The following PROZ variants were observed in gnomAD, a reference collection of about 807,000 sequenced individuals.
The protein encoded by PROZ is vitamin K-dependent protein Z.
Under a neutral mutation model 34.9 loss-of-function variants are expected in PROZ, and 46 were observed. That is an observed-to-expected ratio of 1.32 (90% CI 1.04 to 1.69). The LOEUF is 1.69. Among genes scored for constraint, PROZ ranks in the 40% most tolerant of loss-of-function variants. PROZ has a pLI of 0.00. For synonymous variants in PROZ, 195 were observed against 208.5 expected (o/e 0.94, Z 0.56); for missense variants, 530 against 520.4 (o/e 1.02, Z -0.18).
chr13:113,160,896 T>C (rs2036747590), intron 2 of PROZ, 52 bp from the exon 3 acceptor site: 3 of 1,465,218 alleles, frequency 2.0e-6, no homozygotes, highest in South Asian at 2.3e-5. Context: ...CAGGAAAGAA[T>C]ATAGAAAAAC....
rs1441108251 is a variant in PROZ, at chr13:113,158,779, G to C, written c.70+49G>C. The C allele has an allele frequency of 6.5e-7, 1 of 1,530,840 alleles. No homozygotes were observed. The highest frequency in any genetic ancestry group is 8.9e-7 in the Non-Finnish European group (1 of 1,126,854). The allele number at this position is 1,530,840 out of a possible 1,614,324, so 94.8% of individuals were successfully genotyped here. ...GTTGTGCCTGTGCTGTGTCTTTCTT[G>C]ACTCGGTCCATGGTGGATTTGTAGA... On this transcript the variant is annotated intron_variant, in intron 1 of 7. Coordinates refer to ENST00000375547, the MANE Select transcript of PROZ (RefSeq NM_003891.3). This position sits in a 1 kb window ranked among gnomAD's most constrained non-coding sequence, Gnocchi z 4.3.
intron 6 of PROZ, among the ~76,000 whole-genome samples, chr13:113,167,302 G>A (rs2036967216): frequency 6.6e-6 from 1 of 152,172 alleles, no homozygotes; most frequent in Non-Finnish European, 1.5e-5. Context: ...CTTGACTTAT[G>A]GTAGGTATTC....
intron 5 of PROZ, 60 bp downstream of exon 5, chr13:113,164,704 T>G: frequency 6.2e-7 from 1 of 1,603,282 alleles, no homozygotes; most frequent in Non-Finnish European, 8.5e-7. Flanking sequence ...GTCCACATCC[T>G]CCTTCCTTCT....
intron 3 of PROZ, 64 bp from the exon 4 acceptor site, chr13:113,162,935 ACCACCCCCAC>A: frequency 3.2e-6 from 2 of 621,296 alleles, no homozygotes; most frequent in Non-Finnish European, 2.4e-6. Flanking sequence ...CATTCCTGTC[ACCACCCCCAC>A]CCTCCTCCTG....
rs777676141 is a variant in PROZ, at chr13:113,171,672, C to T, written c.770C>T (p.Ala257Val). The T allele has an allele frequency of 5.6e-5, 90 of 1,613,882 alleles. No homozygotes were observed. Among genetic ancestry groups the T allele is most frequent in the Non-Finnish European group, 5.7e-5 (67 of 1,180,016 alleles). The change falls in exon 8 of 8, where the codon GCG (alanine) becomes GTG (valine). Residue 257 changes from alanine (A) to valine (V), a missense_variant. Physicochemically the swap from Ala to Val is moderately conservative, Grantham distance 64. Transcript: ENST00000375547. The surrounding 1 kb of genome is among the most constrained non-coding windows in gnomAD (Gnocchi z 5.1). ...VHVHMRYDAD[A>V]GENDLSLLEL... Reference sequence around the variant, plus strand: ...GTGCACATGCGGTATGACGCGGACGCGGGGGAGAATGACCTGTCACTGCTG... The same window carrying T: ...GTGCACATGCGGTATGACGCGGACGTGGGGGAGAATGACCTGTCACTGCTG...
intron 7 of PROZ, among the ~76,000 whole-genome samples, chr13:113,170,914 G>A (rs2037091490): frequency 6.7e-6 from 1 of 148,356 alleles, no homozygotes; most frequent in Admixed American, 6.9e-5. Context: ...CGGCTTATCT[G>A]TGCCTATTTC....
rs2037124454 is a variant in PROZ, at chr13:113,171,973, C to T, written c.1071C>T (p.Val357=). 4 of 1,613,448 alleles carry T rather than the reference C, an allele frequency of 2.5e-6. No individual in the cohort carries two copies. Among genetic ancestry groups the T allele is most frequent in the Non-Finnish European group, 2.5e-6 (3 of 1,180,046 alleles). The change falls in exon 8 of 8, where the codon GTC becomes GTT. Residue 357 remains valine, a synonymous_variant. Coordinates refer to ENST00000375547, the MANE Select transcript of PROZ (RefSeq NM_003891.3). The surrounding 1 kb of genome is among the most constrained non-coding windows in gnomAD (Gnocchi z 5.1). ...AAMHWMDGSV[V]TREHRGSWFL... is the part of the protein sequence containing the mutation. ...TGCACTGGATGGATGGAAGTGTGGTCACCAGAGAACACAGAGGCTCCTGGT... is the reference window on the plus strand; with the variant it reads ...TGCACTGGATGGATGGAAGTGTGGTTACCAGAGAACACAGAGGCTCCTGGT...
At position 113,172,176 on chromosome 13, in the gene PROZ, AGGGCGC is replaced by A; in HGVS notation, c.*72_*77del. 6.4e-7 allele frequency: 1 copy of A among 1,572,038 alleles called. No individual in the cohort carries two copies. Among genetic ancestry groups the A allele is most frequent in the Non-Finnish European group, 8.6e-7 (1 of 1,156,178 alleles). ...TTCCAAGCTGGCACTGCCACTGTGG[AGGGCGC>A]TGAAACTTCATCACACACTGAGAGG... is the stretch of plus-strand genomic sequence containing the variant. On this transcript the variant is annotated 3_prime_UTR_variant, in exon 8 of 8. Transcript: ENST00000375547.
chr13:113,165,226 C>T lies in PROZ; in HGVS notation c.573+106C>T, dbSNP rs1010721698. The T allele has an allele frequency of 2.6e-6, 3 of 1,171,822 alleles. No homozygotes were observed. The African/African-American group carries it at 4.5e-5, about 18-fold the overall frequency. The allele number at this position is 1,171,822 out of a possible 1,614,324, so 72.6% of individuals were successfully genotyped here. ...CAACTAAGTGAATCAGGCATCCTGA[C>T]TTTGATGGGCTACTGACTGCACTGA... On this transcript the variant is annotated intron_variant, in intron 6 of 7. Coordinates refer to ENST00000375547, the MANE Select transcript of PROZ (RefSeq NM_003891.3).
rs754485047 is a variant in PROZ at position 113,171,981 on chromosome 13, AAC to A, written c.1083_1084del (p.His361GlnfsTer35). ...ATGGATGGAAGTGTGGTCACCAGAGAACACAGAGGCTCCTGGTTTCTCACGGG... is the reference window on the plus strand; with the variant it reads ...ATGGATGGAAGTGTGGTCACCAGAGAACAGAGGCTCCTGGTTTCTCACGGG... On this transcript the variant is annotated frameshift_variant, in exon 8 of 8. Transcript: ENST00000375547. LOFTEE classifies it low-confidence loss of function (END_TRUNC). This position sits in a 1 kb window ranked among gnomAD's most constrained non-coding sequence, Gnocchi z 5.1. The A allele has an allele frequency of 8.7e-6, 14 of 1,613,252 alleles. No homozygotes were observed. Among genetic ancestry groups the A allele is most frequent in the African/African-American group, 1.3e-5 (1 of 74,904 alleles).
intron 5 of PROZ, 92 bp from the exon 6 acceptor site, chr13:113,164,961 C>A: frequency 7.9e-7 from 1 of 1,273,306 alleles, no homozygotes; most frequent in Non-Finnish European, 1.1e-6. Flanking sequence ...GTACCATAGA[C>A]GGAATTATGC....
rs1323037440 is a variant in PROZ, at chr13:113,164,981, C to G, written c.506-72C>G. The G allele has an allele frequency of 4.6e-5, 65 of 1,427,228 alleles. 1 individual carries two copies. In the South Asian group the frequency reaches 6.8e-4, roughly 15 times the overall value. 88.4% of individuals were successfully genotyped at this position (1,427,228 alleles called of 1,614,324 possible). A position where few individuals can be genotyped will look rare whatever the true frequency, so the allele number is the denominator to read the frequency against. ...ATAGACGGAATTATGCAACGGTTAA[C>G]ACCATAGACAGAGTCCGATATTCGC... On this transcript the variant is annotated intron_variant, in intron 5 of 7. Coordinates refer to ENST00000375547, the MANE Select transcript of PROZ (RefSeq NM_003891.3).
At chr13:113,160,301 A>G (rs2036738852) in intron 2 of PROZ, 124 bp downstream of exon 2, 2 of 1,230,452 alleles carry the variant, frequency 1.6e-6, no homozygotes. Flanking sequence ...TGAGGTTGAC[A>G]CAATCCCAGT....
At chr13:113,168,035 G>T (rs563425552) in intron 6 of PROZ, among the ~76,000 whole-genome samples, 2 of 152,156 alleles carry the variant, frequency 1.3e-5, no homozygotes. Flanking sequence ...GCTGTAGCAT[G>T]AGTCCTTACA....
At chr13:113,170,283 G>T (rs960010902) in intron 6 of PROZ, 130 bp from the exon 7 acceptor site, 1 of 624,516 alleles carries the variant, frequency 1.6e-6, no homozygotes, top group East Asian at 2.9e-5. Context: ...AATCAAATAC[G>T]GCTGTCTGCC....
rs1317304268 is a variant in PROZ at position 113,171,660 on chromosome 13, A to G, written c.758A>G (p.Tyr253Cys). The G allele has an allele frequency of 9.3e-6, 15 of 1,613,996 alleles. No homozygotes were observed. Among genetic ancestry groups the G allele is most frequent in the Non-Finnish European group, 1.3e-5 (15 of 1,180,046 alleles). ...KITHVHVHMR[Y>C]DADAGENDLS... Reference sequence around the variant, plus strand: ...ACGCACGTCCATGTGCACATGCGGTATGACGCGGACGCGGGGGAGAATGAC... The same window carrying G: ...ACGCACGTCCATGTGCACATGCGGTGTGACGCGGACGCGGGGGAGAATGAC... The change falls in exon 8 of 8, where the codon TAT (tyrosine) becomes TGT (cysteine). Residue 253 changes from tyrosine (Y) to cysteine (C), a missense_variant. By Grantham distance (194) the Tyr-to-Cys change is radical. Transcript: ENST00000375547. The surrounding 1 kb of genome is among the most constrained non-coding windows in gnomAD (Gnocchi z 5.1).
In PROZ at chr13:113,164,481, C is replaced by T. The variant is rs189431886; in HGVS notation, c.374-32C>T. ...CTGTGATAAAATGACTATTTCCAAG[C>T]TAGCATTTCCTTTTTTTTTTTTCCT... is the stretch of plus-strand genomic sequence containing the variant. On this transcript the variant is annotated intron_variant, in intron 4 of 7. Transcript: ENST00000375547. The T allele has an allele frequency of 3.3e-4, 530 of 1,584,492 alleles. 1 individual carries two copies. In the African/African-American group the frequency reaches 6.9e-3, roughly 21 times the overall value.
In PROZ at chr13:113,171,670, C is replaced by T. The variant is rs747786665; in HGVS notation, c.768C>T (p.Asp256=). The change falls in exon 8 of 8, where the codon GAC becomes GAT. Residue 256 remains aspartate, a synonymous_variant. Coordinates refer to ENST00000375547, the MANE Select transcript of PROZ (RefSeq NM_003891.3). The surrounding 1 kb of genome is among the most constrained non-coding windows in gnomAD (Gnocchi z 5.1). ...ATGTGCACATGCGGTATGACGCGGA[C>T]GCGGGGGAGAATGACCTGTCACTGC... The part of the protein sequence containing the change: ...HVHVHMRYDA[D]AGENDLSLLE... The T allele has an allele frequency of 2.1e-5, 34 of 1,613,928 alleles. No homozygotes were observed. The highest frequency in any genetic ancestry group is 1.6e-4 in the East Asian group (7 of 44,902).
rs1172405472 is a variant in PROZ at position 113,158,745 on chromosome 13, T to A, written c.70+15T>A. 5.0e-6 allele frequency: 8 copies of A among 1,591,320 alleles called. No homozygotes were observed. The highest frequency in any genetic ancestry group is 6.8e-6 in the Non-Finnish European group (8 of 1,168,870). On this transcript the variant is annotated intron_variant, in intron 1 of 7. Transcript: ENST00000375547. This position sits in a 1 kb window ranked among gnomAD's most constrained non-coding sequence, Gnocchi z 4.3. ...GGAGCCCTCAGGTAGGCATCTGGCT[T>A]ACCTGTCTGTTGTGCCTGTGCTGTG... is the stretch of plus-strand genomic sequence containing the variant.
Sources: gnomAD v4.1 joint callset for allele counts (sites outside exome capture counted in the v4.1 genomes callset) on GRCh38, gnomAD v4.1.1 for gene constraint, Gnocchi (gnomAD v3.1) non-coding constraint, MANE v1.5 for transcripts, NCBI Gene and HGNC (gene_info 2026-07-23, HGNC 2026-07-21) for gene names.